Variants in SKIC3 observed in about 807,000 individuals in gnomAD.
SKIC3 encodes the protein superkiller complex protein 3.
the SKIC3 span, among the ~76,000 whole-genome samples, chr5:95,474,374 T>C: frequency 6.6e-6 from 1 of 152,168 alleles, no homozygotes; most frequent in East Asian, 1.9e-4. Context: ...GAATTTCTTT[T>C]CATTAAGGAT....
At chr5:95,518,240 A>G in the SKIC3 span, among the ~76,000 whole-genome samples, 1 of 152,146 alleles carries the variant, frequency 6.6e-6, no homozygotes, top group South Asian at 2.1e-4. Context: ...TTTGATACAT[A>G]TAATGTATTG....
At chr5:95,490,015 A>T in the SKIC3 span, among the ~76,000 whole-genome samples, 1 of 152,176 alleles carries the variant, frequency 6.6e-6, no homozygotes, top group South Asian at 2.1e-4. Flanking sequence ...AATAACCTAA[A>T]ATTAATTCAG....
the SKIC3 span, among the ~76,000 whole-genome samples, chr5:95,478,649 A>G: frequency 6.6e-6 from 1 of 152,148 alleles, no homozygotes; most frequent in Non-Finnish European, 1.5e-5. Flanking sequence ...TAGCAAATTG[A>G]CCCCGGCAAT....
the SKIC3 span, among the ~76,000 whole-genome samples, chr5:95,552,955 T>G: frequency 6.6e-6 from 1 of 152,046 alleles, no homozygotes; most frequent in African/African-American, 2.4e-5. Flanking sequence ...AATGAATGGT[T>G]AAAAATAGAG....
the SKIC3 span, chr5:95,498,399 C>T: frequency 1.8e-4 from 291 of 1,614,154 alleles, no homozygotes; most frequent in African/African-American, 3.7e-3. Context: ...TTTGTTTTTG[C>T]ACAGCCACAC....
At chr5:95,470,891 A>T in the SKIC3 span, among the ~76,000 whole-genome samples, 1 of 152,190 alleles carries the variant, frequency 6.6e-6, no homozygotes, top group African/African-American at 2.4e-5. Flanking sequence ...AAGAGAAAAA[A>T]ATGCATTAAA....
the SKIC3 span, chr5:95,547,139 C>T: frequency 6.2e-7 from 1 of 1,612,988 alleles, no homozygotes; most frequent in South Asian, 1.1e-5. Context: ...TCTTCACTTC[C>T]TTGCTGGACA....
the SKIC3 span, among the ~76,000 whole-genome samples, chr5:95,502,230 G>A: frequency 6.6e-6 from 1 of 152,010 alleles, no homozygotes; most frequent in African/African-American, 2.4e-5. Context: ...TTTGCAATGG[G>A]AGGATATCTC....
chr5:95,535,639 G>A, the SKIC3 span, among the ~76,000 whole-genome samples: 30 of 148,392 alleles, frequency 2.0e-4, no homozygotes, highest in African/African-American at 6.2e-4. Context: ...TCAGACACCA[G>A]GAAAAAAAAA....
At chr5:95,487,559 C>T in the SKIC3 span, among the ~76,000 whole-genome samples, 4 of 152,184 alleles carry the variant, frequency 2.6e-5, no homozygotes, top group Admixed American at 2.6e-4. Flanking sequence ...ACAAGTACAT[C>T]CTAACAAACC....
the SKIC3 span, among the ~76,000 whole-genome samples, chr5:95,494,110 C>T: frequency 1.3e-5 from 2 of 151,912 alleles, no homozygotes; most frequent in Admixed American, 1.3e-4. Flanking sequence ...CTCTTTAAAC[C>T]ATATTGATGC....
chr5:95,519,221 G>A, the SKIC3 span, among the ~76,000 whole-genome samples: 1 of 151,954 alleles, frequency 6.6e-6, no homozygotes, highest in Non-Finnish European at 1.5e-5. Context: ...CTTTTAGAAT[G>A]AGAAAAACTT....
At chr5:95,515,332 T>C in the SKIC3 span, among the ~76,000 whole-genome samples, 2 of 152,168 alleles carry the variant, frequency 1.3e-5, no homozygotes, top group African/African-American at 4.8e-5. Flanking sequence ...GTCCTAGACA[T>C]GTGTATACCT....
At chr5:95,482,597 A>G in the SKIC3 span, 2 of 1,614,056 alleles carry the variant, frequency 1.2e-6, no homozygotes, top group South Asian at 1.1e-5. Context: ...CAAAAGTAAG[A>G]TAACGGCTGG....
chr5:95,533,375 C>T, the SKIC3 span, among the ~76,000 whole-genome samples: 1 of 152,106 alleles, frequency 6.6e-6, no homozygotes, highest in Non-Finnish European at 1.5e-5. Flanking sequence ...GGGAGGGCGG[C>T]TCAGACTTCA....
At chr5:95,465,982 T>G in the SKIC3 span, among the ~76,000 whole-genome samples, 1 of 152,230 alleles carries the variant, frequency 6.6e-6, no homozygotes, top group African/African-American at 2.4e-5. Context: ...CCTTTTTGAT[T>G]TGGAATATGT....
the SKIC3 span, among the ~76,000 whole-genome samples, chr5:95,538,849 A>T: frequency 6.6e-6 from 1 of 152,214 alleles, no homozygotes; most frequent in Non-Finnish European, 1.5e-5. Flanking sequence ...TAAACCTCAA[A>T]GTAATTCAGT....
At chr5:95,478,204 T>C in the SKIC3 span, 16 of 1,476,536 alleles carry the variant, frequency 1.1e-5, no homozygotes, top group Admixed American at 3.9e-5. Context: ...AGGACTTCAA[T>C]TGAATATTAC....
At chr5:95,492,290 G>A in the SKIC3 span, among the ~76,000 whole-genome samples, 6 of 151,972 alleles carry the variant, frequency 3.9e-5, no homozygotes, top group African/African-American at 7.3e-5. Flanking sequence ...AGGTCTAGCC[G>A]TGCCACTAAT....
Sources: gnomAD v4.1 joint callset for allele counts (sites outside exome capture counted in the v4.1 genomes callset) on GRCh38, gnomAD v4.1.1 for gene constraint, MANE v1.5 for transcripts, NCBI Gene and HGNC (gene_info 2026-07-23, HGNC 2026-07-21) for gene names.